KCNMB2: variants seen among roughly 807,000 people sequenced by gnomAD.
The protein encoded by KCNMB2 is calcium-activated potassium channel subunit beta-2.
In KCNMB2, 9 loss-of-function variants were observed where a neutral mutation model predicts 24.5. That is an observed-to-expected ratio of 0.37 (90% CI 0.22 to 0.64). The LOEUF (loss-of-function observed/expected upper bound fraction) is 0.64, where lower values mean the gene tolerates loss of function less well. Among genes scored for constraint, KCNMB2 ranks in the 30% least tolerant of loss-of-function variants. KCNMB2 has a pLI of 0.63. For synonymous variants in KCNMB2, 109 were observed against 104.4 expected, an observed-to-expected ratio of 1.04 and a Z score of -0.27; for missense variants, 226 against 284.3, an observed-to-expected ratio of 0.79 and a Z score of 1.47.
chr3:178,757,423 TG>T (rs1724134533), intron 1 of KCNMB2, among the ~76,000 whole-genome samples: 1 of 64,274 alleles, frequency 1.6e-5, no homozygotes, highest in African/African-American at 7.4e-5. Context: ...TATATATATA[TG>T]TATATATATC....
chr3:178,540,919 T>C (rs1002935358), intron 1 of KCNMB2, among the ~76,000 whole-genome samples: 7 of 152,228 alleles, frequency 4.6e-5, no homozygotes, highest in African/African-American at 1.7e-4. Context: ...GAAGTATTCA[T>C]AGCACGTAGA....
At chr3:178,610,206 A>C (rs1200196714) in intron 1 of KCNMB2, among the ~76,000 whole-genome samples, 1 of 152,140 alleles carries the variant, frequency 6.6e-6, no homozygotes, top group African/African-American at 2.4e-5. Flanking sequence ...AGGTCAGGTA[A>C]TGTGATTCCT....
chr3:178,714,043 A>C (rs1722539372), intron 1 of KCNMB2, among the ~76,000 whole-genome samples: 1 of 152,162 alleles, frequency 6.6e-6, no homozygotes, highest in Admixed American at 6.5e-5. Context: ...TGAAAAACAA[A>C]ACCCTTCAGA....
chr3:178,695,866 C>T (rs1171202935), intron 1 of KCNMB2, among the ~76,000 whole-genome samples: 4 of 152,186 alleles, frequency 2.6e-5, no homozygotes, highest in Non-Finnish European at 5.9e-5. Flanking sequence ...ATGGTTCCAA[C>T]CTCTGCCTGT....
chr3:178,729,783 G>T (rs1723084261), intron 1 of KCNMB2, among the ~76,000 whole-genome samples: 1 of 152,190 alleles, frequency 6.6e-6, no homozygotes, highest in Non-Finnish European at 1.5e-5. Context: ...CTTCCTGGAA[G>T]ATGGTTTGGT....
chr3:178,622,507 A>T (rs559965993), intron 1 of KCNMB2, among the ~76,000 whole-genome samples: 10 of 152,314 alleles, frequency 6.6e-5, no homozygotes, highest in African/African-American at 2.4e-4. Flanking sequence ...ATAGTTGATA[A>T]ATGGTAAAGC....
chr3:178,696,233 A>C (rs141188957), intron 1 of KCNMB2, among the ~76,000 whole-genome samples: 271 of 152,338 alleles, frequency 1.8e-3, no homozygotes, highest in Non-Finnish European at 2.9e-3. Flanking sequence ...CTTATGATTT[A>C]ATTATCTCCA....
chr3:178,711,993 C>T (rs1722469745), intron 1 of KCNMB2, among the ~76,000 whole-genome samples: 1 of 152,176 alleles, frequency 6.6e-6, no homozygotes, highest in Admixed American at 6.5e-5. Context: ...TCAGTTCCAT[C>T]CTCTCTCTGT....
intron 1 of KCNMB2, among the ~76,000 whole-genome samples, chr3:178,669,403 A>C (rs557259777): frequency 4.6e-5 from 7 of 152,174 alleles, no homozygotes; most frequent in Non-Finnish European, 1.0e-4. Context: ...GACAGAGTGT[A>C]GACATTGCAA....
At position 178,759,389 on chromosome 3, in the gene KCNMB2, A is replaced by C. The variant is rs1373937236; in HGVS notation, c.-67-47954A>C. On this transcript the variant is annotated intron_variant, in intron 1 of 4. Transcript: ENST00000452583. ...TCCAAGAGGATATATATATATATAT[A>C]TCTCTCCAAGAGGATATATATATAT... Among the ~76,000 whole-genome samples, 29 of 24,604 alleles carry C rather than the reference A, an allele frequency of 1.2e-3. 2 individuals carry two copies. Among genetic ancestry groups the C allele is most frequent in the African/African-American group, 4.3e-3 (5 of 1,166 alleles). The allele number at this position is 24,604 out of a possible 152,430, so 16.1% of individuals were successfully genotyped here. A position where few individuals can be genotyped will look rare whatever the true frequency, so the allele number is the denominator to read the frequency against.
At chr3:178,741,145 C>A (rs1271596428) in intron 1 of KCNMB2, among the ~76,000 whole-genome samples, 1 of 152,174 alleles carries the variant, frequency 6.6e-6, no homozygotes. Context: ...TGGCATCTGT[C>A]ACGTAAACAG....
intron 4 of KCNMB2, among the ~76,000 whole-genome samples, chr3:178,828,986 G>A (rs1714951005): frequency 1.3e-5 from 2 of 148,560 alleles, no homozygotes; most frequent in Non-Finnish European, 3.0e-5. Context: ...CTTCACATAT[G>A]TTATATTCAT....
At chr3:178,718,158 G>A (rs1176414543) in intron 1 of KCNMB2, among the ~76,000 whole-genome samples, 1 of 152,192 alleles carries the variant, frequency 6.6e-6, no homozygotes, top group East Asian at 1.9e-4. Context: ...CAGCCACTCT[G>A]CATCCCTTCT....
intron 1 of KCNMB2, among the ~76,000 whole-genome samples, chr3:178,621,467 A>ATTTTATC (rs1169722517): frequency 6.6e-6 from 1 of 151,470 alleles, no homozygotes; most frequent in South Asian, 2.1e-4. Flanking sequence ...CTGCTTAAAT[A>ATTTTATC]TCTGCTTCCT....
At chr3:178,679,171 C>T (rs1721182222) in intron 1 of KCNMB2, among the ~76,000 whole-genome samples, 1 of 152,018 alleles carries the variant, frequency 6.6e-6, no homozygotes, top group Non-Finnish European at 1.5e-5. Context: ...AAAAGATATA[C>T]ACTACATTAA....
rs181507365 is a variant in KCNMB2 at position 178,617,932 on chromosome 3, G to A, written c.-68+81221G>A. 2.5e-3 allele frequency among the ~76,000 whole-genome samples: 363 copies of A among 147,714 alleles called. 2 individuals carry two copies. The highest frequency in any genetic ancestry group is 3.0e-3 in the Non-Finnish European group (205 of 67,272). ...AAAAACCCAACACTCAAAAGTAATCGTCCTTCACATTAAGAAAACACATTT... is the reference window on the plus strand; with the variant it reads ...AAAAACCCAACACTCAAAAGTAATCATCCTTCACATTAAGAAAACACATTT... On this transcript the variant is annotated intron_variant, in intron 1 of 4. Transcript: ENST00000452583.
intron 1 of KCNMB2, among the ~76,000 whole-genome samples, chr3:178,734,561 T>C (rs1007082232): frequency 1.3e-5 from 2 of 152,204 alleles, no homozygotes; most frequent in Non-Finnish European, 2.9e-5. Flanking sequence ...AATGTTGGCA[T>C]GCACAATTCT....
chr3:178,701,039 T>C (rs1577108845), intron 1 of KCNMB2, among the ~76,000 whole-genome samples: 2 of 152,250 alleles, frequency 1.3e-5, no homozygotes, highest in African/African-American at 4.8e-5. Context: ...CCCATGCCTA[T>C]GTCCTGAATG....
At position 178,733,859 on chromosome 3, in the gene KCNMB2, AACTC is replaced by A. The variant is rs1392642682; in HGVS notation, c.-67-73482_-67-73479del. 2.0e-5 allele frequency among the ~76,000 whole-genome samples: 3 copies of A among 152,198 alleles called. No individual in the cohort carries two copies. The East Asian group carries it at 5.8e-4, about 29-fold the overall frequency. ...GAAAAATTCACAATAAAAGCAAAAA[AACTC>A]AGAAGAACATTGTAGTAATGCAAGT... On this transcript the variant is annotated intron_variant, in intron 1 of 4. Coordinates refer to ENST00000452583, the MANE Select transcript of KCNMB2 (RefSeq NM_181361.3).
Sources: gnomAD v4.1 joint callset for allele counts (sites outside exome capture counted in the v4.1 genomes callset) on GRCh38, gnomAD v4.1.1 for gene constraint, MANE v1.5 for transcripts, NCBI Gene and HGNC (gene_info 2026-07-23, HGNC 2026-07-21) for gene names.